Variants in AATF observed in about 807,000 individuals in gnomAD.
The protein encoded by AATF is apoptosis antagonizing transcription factor, also known as protein AATF.
Under a neutral mutation model 63.7 loss-of-function variants are expected in AATF, and 48 were observed. The observed-to-expected ratio is 0.75, with a 90% CI of 0.60 to 0.96. The LOEUF is 0.96. AATF is among the 40% of genes least tolerant of loss of function. AATF has a pLI of 0.00. For missense variants in AATF, 639 were observed against 685.7 expected, an observed-to-expected ratio of 0.93 and a Z score of 0.76; for synonymous variants, 258 against 247.7, an observed-to-expected ratio of 1.04 and a Z score of -0.39.
chr17:37,013,586 C>G (rs1363123360), intron 8 of AATF, among the ~76,000 whole-genome samples: 1 of 151,142 alleles, frequency 6.6e-6, no homozygotes, highest in African/African-American at 2.5e-5. Flanking sequence ...CTCCTGGGCT[C>G]TAATAGAGCG....
Position 37,018,992 on chromosome 17 carries a change from C to T in AATF, c.1399-13C>T. ...GATGATAAATAAATTCGTTGCTTTCCTTTTTCCCCTAGCTCCTTCGAGAAC... is the reference window on the plus strand; with the variant it reads ...GATGATAAATAAATTCGTTGCTTTCTTTTTTCCCCTAGCTCCTTCGAGAAC... On this transcript the variant is annotated splice_polypyrimidine_tract_variant and intron_variant, in intron 8 of 11. Coordinates refer to ENST00000619387, the MANE Select transcript of AATF (RefSeq NM_012138.4). The T allele has an allele frequency of 1.9e-6, 3 of 1,612,890 alleles. No homozygotes were observed. The highest frequency in any genetic ancestry group is 2.5e-6 in the Non-Finnish European group (3 of 1,179,006).
intron 4 of AATF, among the ~76,000 whole-genome samples, chr17:36,983,817 AT>A (rs2071146335): frequency 6.6e-6 from 1 of 152,064 alleles, no homozygotes; most frequent in Non-Finnish European, 1.5e-5. Flanking sequence ...CAAAGACCTT[AT>A]TTTAAACAAG....
chr17:37,053,468 G>A (rs1008039602), intron 11 of AATF, among the ~76,000 whole-genome samples: 1 of 151,972 alleles, frequency 6.6e-6, no homozygotes, highest in Non-Finnish European at 1.5e-5. Flanking sequence ...GTATGATAAG[G>A]GTGATTGATA....
chr17:36,967,026 T>G (rs546465047), intron 4 of AATF, among the ~76,000 whole-genome samples: 1 of 152,346 alleles, frequency 6.6e-6, no homozygotes, highest in South Asian at 2.1e-4. Flanking sequence ...CCCTTTCTCC[T>G]GAAGCAACAA....
At chr17:37,033,350 T>G in intron 11 of AATF, among the ~76,000 whole-genome samples, 1 of 152,322 alleles carries the variant, frequency 6.6e-6, no homozygotes, top group South Asian at 2.1e-4. Flanking sequence ...AAAACTAGAT[T>G]TTGAAAATTA....
chr17:36,967,861 C>CT (rs372660652), intron 4 of AATF, among the ~76,000 whole-genome samples: 5,931 of 123,104 alleles, frequency 0.048, 170 homozygotes, highest in Middle Eastern at 0.09. Flanking sequence ...CAGACCTTGC[C>CT]TTTTTTTTTT....
At chr17:37,029,813 C>T (rs1055877762) in intron 10 of AATF, among the ~76,000 whole-genome samples, 2 of 151,966 alleles carry the variant, frequency 1.3e-5, no homozygotes. Context: ...TGATCTGCCC[C>T]CCCTCAGCCT....
chr17:36,954,123 A>C (rs1260373434), intron 4 of AATF, among the ~76,000 whole-genome samples: 1 of 144,550 alleles, frequency 6.9e-6, no homozygotes, highest in African/African-American at 2.6e-5. Flanking sequence ...TCTCAAGTAC[A>C]GTGGCGCGAT....
At chr17:37,029,481 C>A (rs1274133121) in intron 10 of AATF, among the ~76,000 whole-genome samples, 4 of 152,182 alleles carry the variant, frequency 2.6e-5, no homozygotes, top group East Asian at 1.9e-4. Context: ...CTCCTGACCT[C>A]AGGTGATCCA....
chr17:37,048,659 C>G (rs2071717803), intron 11 of AATF, among the ~76,000 whole-genome samples: 1 of 152,210 alleles, frequency 6.6e-6, no homozygotes, highest in South Asian at 2.1e-4. Context: ...GTGTGAGCCA[C>G]TGCGCCCAGC....
intron 8 of AATF, among the ~76,000 whole-genome samples, chr17:37,011,968 C>T (rs1330220329): frequency 6.6e-6 from 1 of 152,022 alleles, no homozygotes; most frequent in Non-Finnish European, 1.5e-5. Context: ...GTAATTCCTT[C>T]CCAACTATTT....
At chr17:37,015,911 A>T (rs1206835565) in intron 8 of AATF, among the ~76,000 whole-genome samples, 2 of 152,140 alleles carry the variant, frequency 1.3e-5, no homozygotes, top group Non-Finnish European at 2.9e-5. Context: ...AATATTTCCA[A>T]AGAATAAAAT....
intron 8 of AATF, chr17:36,998,766 A>T (rs2071273202): frequency 6.6e-6 from 1 of 152,202 alleles, no homozygotes; most frequent in African/African-American, 2.4e-5. Context: ...TGCTAGTTTT[A>T]TAAAGGCTAG....
chr17:37,056,751 A>C lies in AATF; in HGVS notation c.*87A>C. 3 of 1,402,068 alleles carry C rather than the reference A, an allele frequency of 2.1e-6. No homozygotes were observed. Among genetic ancestry groups the C allele is most frequent in the Non-Finnish European group, 3.0e-6 (3 of 997,076 alleles). 86.9% of individuals were successfully genotyped at this position (1,402,068 alleles called of 1,614,324 possible). Reference sequence around the variant, plus strand: ...GGAAACCAGTGACTTTATGGGGCTGAGCTAGTAGGGAAGCCCCTGGAAAGA... The same window carrying C: ...GGAAACCAGTGACTTTATGGGGCTGCGCTAGTAGGGAAGCCCCTGGAAAGA... On this transcript the variant is annotated 3_prime_UTR_variant, in exon 12 of 12. Coordinates refer to ENST00000619387, the MANE Select transcript of AATF (RefSeq NM_012138.4).
intron 11 of AATF, among the ~76,000 whole-genome samples, chr17:37,035,151 TC>T (rs2071581566): frequency 6.6e-6 from 1 of 151,562 alleles, no homozygotes; most frequent in Admixed American, 6.6e-5. Flanking sequence ...AAGAAAAATT[TC>T]AAGGGCCAAA....
chr17:36,986,647 C>T lies in AATF; in HGVS notation c.863C>T (p.Ser288Leu), dbSNP rs1289445300. Reference sequence around the variant, plus strand: ...AAGGCACTTAAAGCATTGTTGAGGTCATTGGTAGGTCTTCAGGAAGAGTTG... The same window carrying T: ...AAGGCACTTAAAGCATTGTTGAGGTTATTGGTAGGTCTTCAGGAAGAGTTG... ...SHKALKALLR[S>L]LVGLQEELLF... The change falls in exon 5 of 12, where the codon TCA (serine) becomes TTA (leucine). Residue 288 changes from serine (S) to leucine (L), a missense_variant. Physicochemically the swap from Ser to Leu is moderately radical, Grantham distance 145 (BLOSUM62 -2). Transcript: ENST00000619387. The T allele has an allele frequency of 6.2e-7, 1 of 1,614,050 alleles. No individual in the cohort carries two copies. The highest frequency in any genetic ancestry group is 1.7e-5 in the Admixed American group (1 of 60,016).
chr17:36,996,947 TTTA>T (rs1367232712), intron 8 of AATF, among the ~76,000 whole-genome samples: 2 of 152,212 alleles, frequency 1.3e-5, no homozygotes, highest in Non-Finnish European at 2.9e-5. Context: ...AACAGTACAT[TTTA>T]CAGGGCCAGC....
intron 10 of AATF, among the ~76,000 whole-genome samples, chr17:37,022,428 T>C (rs761323207): frequency 1.4e-4 from 21 of 152,346 alleles, no homozygotes; most frequent in Non-Finnish European, 8.8e-5. Flanking sequence ...TTTCTTTAAC[T>C]TTGCAGAAGT....
chr17:36,957,316 A>T (rs1220819638), intron 4 of AATF, among the ~76,000 whole-genome samples: 1 of 152,220 alleles, frequency 6.6e-6, no homozygotes, highest in Non-Finnish European at 1.5e-5. Flanking sequence ...TGTCTGGCAC[A>T]CATCTCACCA....
Sources: gnomAD v4.1 joint callset for allele counts (sites outside exome capture counted in the v4.1 genomes callset) on GRCh38, gnomAD v4.1.1 for gene constraint, MANE v1.5 for transcripts, NCBI Gene and HGNC (gene_info 2026-07-23, HGNC 2026-07-21) for gene names.